Variants in TNR observed in about 807,000 individuals in gnomAD.
TNR encodes the protein tenascin-R.
TNR carries 45 observed loss-of-function variants against 150.4 expected under a neutral mutation model. The ratio of observed to expected loss-of-function variants is 0.30; its 90% CI spans 0.24 to 0.38. The LOEUF (loss-of-function observed/expected upper bound fraction) is 0.38, where lower values mean the gene tolerates loss of function less well. TNR is among the 10% of genes least tolerant of loss of function. The pLI is 1.00. For missense variants in TNR, 1,544 were observed against 1,759.1 expected (o/e 0.88, Z 2.19); for synonymous variants, 687 against 678.4 (o/e 1.01, Z -0.20).
intron 1 of TNR, among the ~76,000 whole-genome samples, chr1:175,569,553 C>T (rs559846029): frequency 6.6e-6 from 1 of 152,304 alleles, no homozygotes; most frequent in South Asian, 2.1e-4. Flanking sequence ...CCATATATCA[C>T]TCTGTGATGA....
At chr1:175,741,335 T>C (rs1214168488) in intron 1 of TNR, among the ~76,000 whole-genome samples, 5 of 152,220 alleles carry the variant, frequency 3.3e-5, no homozygotes, top group Non-Finnish European at 7.3e-5. Context: ...CACTTTTTTT[T>C]CAGAGAAAAT....
At chr1:175,328,201 A>C (rs1052412869) in intron 21 of TNR, among the ~76,000 whole-genome samples, 3 of 152,218 alleles carry the variant, frequency 2.0e-5, no homozygotes, top group Admixed American at 2.0e-4. Context: ...CTAGACGATT[A>C]GTTTTTGTAA....
chr1:175,380,571 C>T (rs954492355), intron 8 of TNR, among the ~76,000 whole-genome samples: 5 of 147,518 alleles, frequency 3.4e-5, no homozygotes, highest in African/African-American at 1.3e-4. Context: ...ACTCTGTCTC[C>T]AAAGGAAAAA....
chr1:175,445,247 G>A lies in TNR; in HGVS notation c.-63-38470C>T, dbSNP rs141341923. Among the ~76,000 whole-genome samples, 975 of 152,234 alleles carry A rather than the reference G, an allele frequency of 6.4e-3. 8 individuals are homozygous for A. Among genetic ancestry groups the A allele is most frequent in the African/African-American group, 0.022 (915 of 41,520 alleles). On this transcript the variant is annotated intron_variant, in intron 2 of 22. Coordinates refer to ENST00000367674, the MANE Select transcript of TNR (RefSeq NM_003285.3). ...ATCGCACCACTTCATTCCAGCCTGG[G>A]GGAAAGTGCGAGACTCCGTCTCAAA...
At chr1:175,533,742 T>C (rs1247586400) in intron 1 of TNR, among the ~76,000 whole-genome samples, 1 of 152,196 alleles carries the variant, frequency 6.6e-6, no homozygotes, top group Admixed American at 6.5e-5. Context: ...AATGACCCAG[T>C]GGAGGATCAA....
intron 1 of TNR, among the ~76,000 whole-genome samples, chr1:175,677,856 A>G (rs1324559605): frequency 6.6e-6 from 1 of 152,180 alleles, no homozygotes; most frequent in East Asian, 1.9e-4. Context: ...GCAAAGGGCT[A>G]CCGAAATGAA....
intron 1 of TNR, among the ~76,000 whole-genome samples, chr1:175,564,815 C>T (rs1377398428): frequency 2.6e-5 from 4 of 152,166 alleles, no homozygotes; most frequent in African/African-American, 9.7e-5. Context: ...CACTCACCTC[C>T]AATTTTCTCA....
At chr1:175,551,929 T>C (rs1410292219) in intron 1 of TNR, among the ~76,000 whole-genome samples, 1 of 152,182 alleles carries the variant, frequency 6.6e-6, no homozygotes, top group Non-Finnish European at 1.5e-5. Flanking sequence ...GTCTAAATCC[T>C]TACCTTCCAC....
intron 1 of TNR, chr1:175,556,516 C>G (rs887828270): frequency 8.5e-5 from 13 of 152,136 alleles, no homozygotes; most frequent in African/African-American, 2.9e-4. Context: ...CTGGTGTAGC[C>G]TGTCCTGTCT....
chr1:175,490,833 C>G (rs193106630), intron 2 of TNR, among the ~76,000 whole-genome samples: 51 of 152,228 alleles, frequency 3.4e-4, no homozygotes, highest in African/African-American at 1.2e-3. Flanking sequence ...GACCTAGAGG[C>G]AGAAATACCA....
At chr1:175,524,245 T>C (rs530055620) in intron 2 of TNR, among the ~76,000 whole-genome samples, 137 of 152,192 alleles carry the variant, frequency 9.0e-4, no homozygotes, top group African/African-American at 3.3e-3. Context: ...ACCTAGTATA[T>C]GCTACATGCA....
At position 175,480,789 on chromosome 1, in the gene TNR, C is replaced by A. The variant is rs548688180; in HGVS notation, c.-64+47480G>T. ...CATACTGCCTTTTTTTCTGACCTCCCTCTTTTCTCCAAGTGCCTAATGGCT... is the reference window on the plus strand; with the variant it reads ...CATACTGCCTTTTTTTCTGACCTCCATCTTTTCTCCAAGTGCCTAATGGCT... On this transcript the variant is annotated intron_variant, in intron 2 of 22. Transcript: ENST00000367674. Among the ~76,000 whole-genome samples, 130 of 152,256 alleles carry A rather than the reference C, an allele frequency of 8.5e-4. No homozygotes were observed. In the Middle Eastern group the frequency reaches 0.014, roughly 16 times the overall value.
At chr1:175,681,978 C>A (rs1053624029) in intron 1 of TNR, among the ~76,000 whole-genome samples, 4 of 152,140 alleles carry the variant, frequency 2.6e-5, no homozygotes, top group Non-Finnish European at 2.9e-5. Context: ...GGAGACACAG[C>A]CAGCTTGAGA....
intron 2 of TNR, among the ~76,000 whole-genome samples, chr1:175,522,851 A>G (rs1431593274): frequency 6.6e-6 from 1 of 152,216 alleles, no homozygotes; most frequent in African/African-American, 2.4e-5. Flanking sequence ...CATTTGGGGA[A>G]ATCCAGACAA....
intron 1 of TNR, among the ~76,000 whole-genome samples, chr1:175,727,216 T>C (rs1321320314): frequency 6.6e-6 from 1 of 152,196 alleles, no homozygotes; most frequent in Non-Finnish European, 1.5e-5. Flanking sequence ...GCCTAAAACT[T>C]TGGATCTATA....
intron 1 of TNR, among the ~76,000 whole-genome samples, chr1:175,698,568 A>C (rs1044461247): frequency 6.6e-6 from 1 of 152,096 alleles, no homozygotes; most frequent in Non-Finnish European, 1.5e-5. Context: ...GGCCGGGTGC[A>C]GTGGCTCATG....
intron 1 of TNR, among the ~76,000 whole-genome samples, chr1:175,607,018 A>G (rs1663432258): frequency 6.6e-6 from 1 of 152,078 alleles, no homozygotes; most frequent in African/African-American, 2.4e-5. Context: ...CCACTTTCAC[A>G]TGGGTCTTTG....
At chr1:175,407,669 G>A (rs181825513) in intron 2 of TNR, among the ~76,000 whole-genome samples, 16 of 152,288 alleles carry the variant, frequency 1.1e-4, no homozygotes, top group Admixed American at 2.0e-4. Context: ...ACTATTCGTC[G>A]GAGAAGAAGG....
chr1:175,369,706 A>G (rs1418462039), intron 9 of TNR, among the ~76,000 whole-genome samples: 1 of 152,090 alleles, frequency 6.6e-6, no homozygotes, highest in Non-Finnish European at 1.5e-5. Flanking sequence ...GGCTTTTAGG[A>G]GGAATGGGAC....
Sources: gnomAD v4.1 joint callset for allele counts (sites outside exome capture counted in the v4.1 genomes callset) on GRCh38, gnomAD v4.1.1 for gene constraint, MANE v1.5 for transcripts, NCBI Gene and HGNC (gene_info 2026-07-23, HGNC 2026-07-21) for gene names.